Variants in CAPN13 observed in about 807,000 individuals in gnomAD.
CAPN13 encodes the protein calpain 13.
In CAPN13, 90 loss-of-function variants were observed where a neutral mutation model predicts 98.4. That is an observed-to-expected ratio of 0.92 (90% CI 0.77 to 1.09). The LOEUF is 1.09. Among genes scored for constraint, CAPN13 ranks in the 50% least tolerant of loss-of-function variants. The pLI, the probability that CAPN13 is intolerant of heterozygous loss-of-function variation, is 0.00. For missense variants in CAPN13, 887 were observed against 841.3 expected, an observed-to-expected ratio of 1.05 and a Z score of -0.67; for synonymous variants, 330 against 305.5, an observed-to-expected ratio of 1.08 and a Z score of -0.84.
At chr2:30,778,944 G>T (rs549299700) in intron 2 of CAPN13, among the ~76,000 whole-genome samples, 1 of 152,146 alleles carries the variant, frequency 6.6e-6, no homozygotes, top group Non-Finnish European at 1.5e-5. Context: ...GAGGGCCTTC[G>T]GCTGCATGCA....
intron 22 of CAPN13, among the ~76,000 whole-genome samples, chr2:30,723,670 C>A (rs1670765312): frequency 6.6e-6 from 1 of 152,130 alleles, no homozygotes; most frequent in Admixed American, 6.6e-5. Context: ...TAGCTTTGGA[C>A]TTCTGCAGAG....
chr2:30,771,957 AG>A (rs1170318398), intron 4 of CAPN13, among the ~76,000 whole-genome samples: 1 of 152,244 alleles, frequency 6.6e-6, no homozygotes, highest in Non-Finnish European at 1.5e-5. Flanking sequence ...CGTTTGGTTC[AG>A]CACCTAGGAC....
chr2:30,739,992 C>T (rs1028177496), intron 15 of CAPN13, among the ~76,000 whole-genome samples: 1 of 151,988 alleles, frequency 6.6e-6, no homozygotes, highest in Admixed American at 6.6e-5. Flanking sequence ...GTGGATCCTT[C>T]CTTTCCCACA....
chr2:30,797,113 A>C (rs1298071001), intron 1 of CAPN13, among the ~76,000 whole-genome samples: 15 of 152,142 alleles, frequency 9.9e-5, no homozygotes, highest in Non-Finnish European at 8.8e-5. Context: ...CTTCCTGGTC[A>C]GAGATCTAGA....
intron 2 of CAPN13, among the ~76,000 whole-genome samples, chr2:30,782,145 C>T (rs116104955): frequency 6.6e-6 from 1 of 152,248 alleles, no homozygotes; most frequent in African/African-American, 2.4e-5. Flanking sequence ...GCTGCTCTAC[C>T]CTAATCGTCT....
At chr2:30,773,474 C>T (rs1174175656) in intron 4 of CAPN13, among the ~76,000 whole-genome samples, 1 of 151,980 alleles carries the variant, frequency 6.6e-6, no homozygotes, top group South Asian at 2.1e-4. Flanking sequence ...AGAAACACAC[C>T]TATAACAAAG....
At chr2:30,798,950 G>GTTTA (rs1675030520) in intron 1 of CAPN13, among the ~76,000 whole-genome samples, 1 of 152,182 alleles carries the variant, frequency 6.6e-6, no homozygotes, top group Admixed American at 6.5e-5. Flanking sequence ...TAATTACACT[G>GTTTA]TTTAACACAT....
At chr2:30,740,080 A>T (rs1291637394) in intron 15 of CAPN13, among the ~76,000 whole-genome samples, 5 of 115,426 alleles carry the variant, frequency 4.3e-5, no homozygotes, top group Admixed American at 4.0e-4. Flanking sequence ...TCATTGTATT[A>T]GGTTTTTTTT....
At chr2:30,725,253 CAT>C (rs1271678081) in intron 22 of CAPN13, among the ~76,000 whole-genome samples, 1 of 140,750 alleles carries the variant, frequency 7.1e-6, no homozygotes, top group Non-Finnish European at 1.5e-5. Context: ...TATATTTAAA[CAT>C]ATTTTAACAT....
chr2:30,728,596 G>A (rs1480494563), intron 22 of CAPN13, among the ~76,000 whole-genome samples: 1 of 152,224 alleles, frequency 6.6e-6, no homozygotes, highest in African/African-American at 2.4e-5. Flanking sequence ...GCAGGAAAAA[G>A]AGGGACAAGT....
In CAPN13 at chr2:30,743,674, C is replaced by T. The variant is rs150845130; in HGVS notation, c.1249-95G>A. The T allele has an allele frequency of 4.7e-6, 5 of 1,058,730 alleles. No individual in the cohort carries two copies. In the African/African-American group the frequency reaches 6.2e-5, roughly 13 times the overall value. 65.6% of individuals were successfully genotyped at this position (1,058,730 alleles called of 1,614,324 possible). A position where few individuals can be genotyped will look rare whatever the true frequency, so the allele number is the denominator to read the frequency against. ...GACCCACCACCTTCTAGACCGTCTC[C>T]ATTCACCAAGATAACATTACAGGCT... On this transcript the variant is annotated intron_variant, in intron 12 of 22. Transcript: ENST00000295055.
intron 7 of CAPN13, among the ~76,000 whole-genome samples, chr2:30,759,069 T>TCCTTCCTTCCCTC (rs1553313277): frequency 9.8e-4 from 11 of 11,176 alleles, no homozygotes; most frequent in African/African-American, 4.5e-3. Context: ...CCTCCCTCCC[T>TCCTTCCTTCCCTC]CCTCCCTCCC....
chr2:30,798,984 T>G (rs1675032403), intron 1 of CAPN13, among the ~76,000 whole-genome samples: 1 of 151,866 alleles, frequency 6.6e-6, no homozygotes, highest in Non-Finnish European at 1.5e-5. Flanking sequence ...GCTACCCGAG[T>G]GGAGAAAATA....
chr2:30,757,722 T>C (rs1429142605), intron 8 of CAPN13, among the ~76,000 whole-genome samples: 1 of 152,184 alleles, frequency 6.6e-6, no homozygotes, highest in African/African-American at 2.4e-5. Context: ...CCGCCACTTT[T>C]ACTAATTCTA....
chr2:30,795,395 G>T (rs2148095426), intron 1 of CAPN13, among the ~76,000 whole-genome samples: 2 of 152,160 alleles, frequency 1.3e-5, no homozygotes, highest in Middle Eastern at 6.8e-3. Context: ...TAAAAGAGTT[G>T]CCATTGCTAT....
chr2:30,725,667 G>A (rs370812239), intron 22 of CAPN13, among the ~76,000 whole-genome samples: 1 of 152,164 alleles, frequency 6.6e-6, no homozygotes, highest in African/African-American at 2.4e-5. Context: ...CAAGGAGAGG[G>A]ACTTCTCTGG....
chr2:30,802,354 G>C (rs1304576581), intron 1 of CAPN13, among the ~76,000 whole-genome samples: 1 of 152,106 alleles, frequency 6.6e-6, no homozygotes, highest in Non-Finnish European at 1.5e-5. Context: ...TCTGGGGTCA[G>C]GATATGGACC....
chr2:30,727,838 C>A (rs573845705), intron 22 of CAPN13, among the ~76,000 whole-genome samples: 1 of 152,094 alleles, frequency 6.6e-6, no homozygotes, highest in African/African-American at 2.4e-5. Flanking sequence ...CATATGTCCC[C>A]CCAAAAACCT....
chr2:30,768,654 C>T (rs1431946407), intron 5 of CAPN13, among the ~76,000 whole-genome samples: 1 of 146,456 alleles, frequency 6.8e-6, no homozygotes, highest in Admixed American at 6.7e-5. Flanking sequence ...AAATTTGTTT[C>T]ATTTCATTTC....
Sources: allele counts gnomAD v4.1 joint callset (sites outside exome capture counted in the v4.1 genomes callset), GRCh38; gene constraint gnomAD v4.1.1; transcripts MANE v1.5; gene names NCBI Gene and HGNC (gene_info 2026-07-23, HGNC 2026-07-21).